The following MGMT variants were observed in gnomAD, a reference collection of about 807,000 sequenced individuals.
MGMT encodes methylated-DNA--protein-cysteine methyltransferase.
Under a neutral mutation model 15.9 loss-of-function variants are expected in MGMT, and 14 were observed. The observed-to-expected ratio is 0.88, with a 90% confidence interval of 0.58 to 1.37. The LOEUF (loss-of-function observed/expected upper bound fraction) is 1.37, where lower values mean the gene tolerates loss of function less well. Among genes scored for constraint, MGMT ranks in the 40% most tolerant of loss-of-function variants. MGMT has a pLI of 0.00. For missense variants in MGMT, 282 were observed against 268.1 expected (o/e 1.05, Z -0.36); for synonymous variants, 130 against 118.2 (o/e 1.10, Z -0.65).
chr10:129,753,472 C>G (rs958402170), intron 3 of MGMT, among the ~76,000 whole-genome samples: 1 of 151,994 alleles, frequency 6.6e-6, no homozygotes. Flanking sequence ...ATCTGTTGAC[C>G]TTGTCTCACG....
chr10:129,697,193 T>C (rs1054830238), intron 2 of MGMT, among the ~76,000 whole-genome samples: 1 of 152,208 alleles, frequency 6.6e-6, no homozygotes, highest in East Asian at 1.9e-4. Flanking sequence ...CCTGGATTGT[T>C]GTCCTGTGGA....
chr10:129,692,034 G>A (rs749857563), intron 2 of MGMT, among the ~76,000 whole-genome samples: 1 of 152,184 alleles, frequency 6.6e-6, no homozygotes, highest in Non-Finnish European at 1.5e-5. Context: ...GGCGGTGCAC[G>A]TGGGGGCACC....
chr10:129,483,303 G>A (rs897799325), intron 1 of MGMT, among the ~76,000 whole-genome samples: 3 of 152,170 alleles, frequency 2.0e-5, no homozygotes, highest in Admixed American at 6.5e-5. Flanking sequence ...CTTTTAAAGA[G>A]ATTTAAAAAA....
intron 1 of MGMT, among the ~76,000 whole-genome samples, chr10:129,530,932 C>T (rs1055012504): frequency 2.0e-5 from 3 of 152,228 alleles, no homozygotes; most frequent in Non-Finnish European, 4.4e-5. Flanking sequence ...CACTCTCCCC[C>T]CGAAGTGTGG....
chr10:129,529,675 G>T (rs1426852499), intron 1 of MGMT, among the ~76,000 whole-genome samples: 1 of 144,432 alleles, frequency 6.9e-6, no homozygotes, highest in Non-Finnish European at 1.5e-5. Flanking sequence ...TTTTAACTCA[G>T]AATTATTTTA....
intron 1 of MGMT, among the ~76,000 whole-genome samples, chr10:129,474,164 G>A (rs1223282601): frequency 6.6e-6 from 1 of 152,236 alleles, no homozygotes; most frequent in African/African-American, 2.4e-5. Context: ...GGCAGAGCTA[G>A]CCAGTGGGGC....
intron 2 of MGMT, among the ~76,000 whole-genome samples, chr10:129,675,073 G>A (rs1238740526): frequency 6.6e-6 from 1 of 152,210 alleles, no homozygotes; most frequent in African/African-American, 2.4e-5. Flanking sequence ...ACGAGTGCCT[G>A]TGAAGAAGGA....
chr10:129,594,780 A>G (rs892751805), intron 2 of MGMT, among the ~76,000 whole-genome samples: 4 of 152,178 alleles, frequency 2.6e-5, no homozygotes, highest in Non-Finnish European at 5.9e-5. Flanking sequence ...GAGAAGGTGC[A>G]CCTCTACCAC....
intron 2 of MGMT, among the ~76,000 whole-genome samples, chr10:129,637,515 A>G (rs1847275937): frequency 6.6e-6 from 1 of 152,210 alleles, no homozygotes; most frequent in Non-Finnish European, 1.5e-5. Flanking sequence ...AGAGTAGATG[A>G]GGTAAGAGAT....
intron 2 of MGMT, among the ~76,000 whole-genome samples, chr10:129,582,231 C>G (rs1050746859): frequency 6.6e-6 from 1 of 152,194 alleles, no homozygotes; most frequent in Non-Finnish European, 1.5e-5. Context: ...GCCTTCTGCC[C>G]GACATGTACT....
In MGMT at chr10:129,570,415, G is replaced by T. The variant is rs551377664; in HGVS notation, c.125+34038G>T. 7.0e-4 allele frequency among the ~76,000 whole-genome samples: 106 copies of T among 152,382 alleles called. No homozygotes were observed. The South Asian group carries it at 0.02, about 29-fold the overall frequency. The stretch of plus-strand genomic sequence containing the variant: ...TGCAGATCCGGGGCCAGCCCACCTG[G>T]GCCTCCGGCCACGGTCTGTGCCCAC... On this transcript the variant is annotated intron_variant, in intron 2 of 4. Coordinates refer to ENST00000651593, the MANE Select transcript of MGMT (RefSeq NM_002412.5).
At position 129,613,003 on chromosome 10, in the gene MGMT, G is replaced by C. The variant is rs1846980085; in HGVS notation, c.125+76626G>C. On this transcript the variant is annotated intron_variant, in intron 2 of 4. Coordinates refer to ENST00000651593, the MANE Select transcript of MGMT (RefSeq NM_002412.5). ...ACTCACCATGTTATAGCCGAGTTCA[G>C]ACCCACTACACAGACCTCCTAAGGT... 2.0e-5 allele frequency among the ~76,000 whole-genome samples: 3 copies of C among 152,086 alleles called. 1 individual carries two copies. The highest frequency in any genetic ancestry group is 7.2e-5 in the African/African-American group (3 of 41,410).
Position 129,597,485 on chromosome 10 carries a change from C to A in MGMT, c.125+61108C>A, listed in dbSNP as rs560479563. Among the ~76,000 whole-genome samples, 486 of 149,512 alleles carry A rather than the reference C, an allele frequency of 3.3e-3. 1 individual carries two copies. The highest frequency in any genetic ancestry group is 0.011 in the African/African-American group (451 of 40,818). On this transcript the variant is annotated intron_variant, in intron 2 of 4. Transcript: ENST00000651593. ...AGACAGATCCAGAAAAATAAAAAAA[C>A]AAAAAAAAAGACAAGCATCATTACC...
intron 2 of MGMT, among the ~76,000 whole-genome samples, chr10:129,549,192 GTTC>G (rs1564849006): frequency 6.6e-6 from 1 of 152,146 alleles, no homozygotes; most frequent in Non-Finnish European, 1.5e-5. Context: ...ATTTCCTTCA[GTTC>G]TTCTTCAGTT....
chr10:129,626,566 T>C (rs1408611465), intron 2 of MGMT, among the ~76,000 whole-genome samples: 1 of 152,142 alleles, frequency 6.6e-6, no homozygotes, highest in East Asian at 1.9e-4. Flanking sequence ...CTGGGAAGGT[T>C]CTGAGGGTTG....
At chr10:129,634,449 C>T (rs1189947242) in intron 2 of MGMT, among the ~76,000 whole-genome samples, 1 of 152,150 alleles carries the variant, frequency 6.6e-6, no homozygotes, top group Non-Finnish European at 1.5e-5. Context: ...CTTTCAGAAA[C>T]TCCAACTACA....
At chr10:129,577,996 C>G (rs1036178947) in intron 2 of MGMT, among the ~76,000 whole-genome samples, 43 of 152,260 alleles carry the variant, frequency 2.8e-4, no homozygotes, top group Admixed American at 2.7e-3. Flanking sequence ...CCATCTCACA[C>G]CAGTTAGAAT....
At chr10:129,470,787 A>G (rs1413992244) in intron 1 of MGMT, among the ~76,000 whole-genome samples, 4 of 152,244 alleles carry the variant, frequency 2.6e-5, no homozygotes, top group Non-Finnish European at 5.9e-5. Flanking sequence ...GCTCAGCAGC[A>G]GAGCAGGGTT....
intron 2 of MGMT, among the ~76,000 whole-genome samples, chr10:129,664,404 G>A (rs902937860): frequency 2.6e-5 from 4 of 152,196 alleles, no homozygotes; most frequent in Admixed American, 2.6e-4. Context: ...GTGAAGAAGA[G>A]GGACACTTAC....
Sources: allele counts gnomAD v4.1 joint callset (sites outside exome capture counted in the v4.1 genomes callset), GRCh38; gene constraint gnomAD v4.1.1; transcripts MANE v1.5; gene names NCBI Gene and HGNC (gene_info 2026-07-23, HGNC 2026-07-21).